The following ACOT1 variants were observed in gnomAD, a reference collection of about 807,000 sequenced individuals.
ACOT1 encodes the protein acyl-CoA thioesterase 1.
Under a neutral mutation model 15.7 loss-of-function variants are expected in ACOT1, and 8 were observed. That is an observed-to-expected ratio of 0.51 (90% CI 0.30 to 0.92). The LOEUF is 0.92. ACOT1 is among the 40% of genes least tolerant of loss of function. ACOT1 has a pLI of 0.06. For missense variants in ACOT1, 151 were observed against 539.4 expected (o/e 0.28, Z 7.13); for synonymous variants, 67 against 241.2 (o/e 0.28, Z 6.69).
chr14:73,531,683 T>C, the ACOT1 span, among the ~76,000 whole-genome samples: 2 of 111,628 alleles, frequency 1.8e-5, 1 homozygote, highest in Non-Finnish European at 3.9e-5. Flanking sequence ...TGCTGGGATT[T>C]GCAACTGTGA....
At chr14:73,505,103 G>C in the ACOT1 span, among the ~76,000 whole-genome samples, 1 of 152,078 alleles carries the variant, frequency 6.6e-6, no homozygotes, top group East Asian at 1.9e-4. Context: ...GCTAATTAGA[G>C]ATGGGGTTTT....
the ACOT1 span, among the ~76,000 whole-genome samples, chr14:73,518,072 C>T: frequency 7.2e-5 from 11 of 151,844 alleles, no homozygotes; most frequent in Non-Finnish European, 1.5e-4. Context: ...GGCGACAGAG[C>T]GAGACTTTAT....
At chr14:73,509,414 C>T in the ACOT1 span, 2 of 1,613,954 alleles carry the variant, frequency 1.2e-6, no homozygotes, top group African/African-American at 1.3e-5. Flanking sequence ...GCATTCTTGT[C>T]ACAAAGAGCA....
the ACOT1 span, chr14:73,520,582 T>G: frequency 2.9e-6 from 1 of 343,284 alleles, no homozygotes; most frequent in Non-Finnish European, 5.3e-6. Context: ...GTTCCCAAAG[T>G]CTTGCCAACT....
At chr14:73,509,449 T>C in the ACOT1 span, 1 of 1,614,014 alleles carries the variant, frequency 6.2e-7, no homozygotes. Context: ...CAGTAGAACC[T>C]CCGGCAAGTC....
rs1460755183 is a variant in ACOT1, at chr14:73,537,496, C to T, written c.75C>T (p.Gly25=). The part of the protein sequence containing the change: ...WDEPVRIAVR[G]LAPEQPVTLR... Reference sequence around the variant, plus strand: ...AACCGGTGCGAATCGCCGTGCGCGGCCTAGCCCCGGAGCAGCCGGTCACGC... The same window carrying T: ...AACCGGTGCGAATCGCCGTGCGCGGTCTAGCCCCGGAGCAGCCGGTCACGC... The change falls in exon 1 of 3, where the codon GGC becomes GGT. Residue 25 remains glycine (G), a synonymous_variant. Coordinates refer to ENST00000311148, the MANE Select transcript of ACOT1 (RefSeq NM_001037161.2). The T allele has an allele frequency of 5.9e-5, 72 of 1,219,294 alleles. No homozygotes were observed. Among genetic ancestry groups the T allele is most frequent in the Middle Eastern group, 2.9e-4 (1 of 3,440 alleles). 75.5% of individuals were successfully genotyped at this position (1,219,294 alleles called of 1,614,324 possible). A position where few individuals can be genotyped will look rare whatever the true frequency, so the allele number is the denominator to read the frequency against.
At chr14:73,495,938 G>GC in the ACOT1 span, among the ~76,000 whole-genome samples, 2 of 152,256 alleles carry the variant, frequency 1.3e-5, no homozygotes, top group Non-Finnish European at 2.9e-5. Flanking sequence ...GACCAGCCTG[G>GC]CCAACATAGC....
chr14:73,536,430 C>CA (rs1444210157), upstream of ACOT1, among the ~76,000 whole-genome samples: 120 of 106,768 alleles, frequency 1.1e-3, 27 homozygotes, highest in African/African-American at 3.3e-3. Context: ...ATGGCTTTAG[C>CA]CCAGGAGTTT....
chr14:73,532,348 T>A (rs1252501538), upstream of ACOT1, among the ~76,000 whole-genome samples: 7 of 116,586 alleles, frequency 6.0e-5, 3 homozygotes, highest in Non-Finnish European at 9.4e-5. Context: ...TCTTCAATCT[T>A]GTATTTCTAG....
chr14:73,493,326 C>T, the ACOT1 span: 1 of 547,118 alleles, frequency 1.8e-6, no homozygotes, highest in Non-Finnish European at 3.3e-6. Context: ...GGGTCGGGGT[C>T]AGTATCCTGT....
chr14:73,536,087 CAG>C (rs1888855130), upstream of ACOT1, among the ~76,000 whole-genome samples: 1 of 115,242 alleles, frequency 8.7e-6, no homozygotes, highest in Non-Finnish European at 1.9e-5. Context: ...TTACAACTAA[CAG>C]GGAGTTGTAT....
chr14:73,509,959 C>T, the ACOT1 span, among the ~76,000 whole-genome samples: 1 of 148,612 alleles, frequency 6.7e-6, no homozygotes, highest in Non-Finnish European at 1.5e-5. Context: ...CTGCAAGCTC[C>T]GCCTCCTGGG....
chr14:73,491,170 A>G, the ACOT1 span: 2 of 1,602,118 alleles, frequency 1.2e-6, no homozygotes, highest in Non-Finnish European at 1.7e-6. Context: ...CCCGCATGGC[A>G]GCGCTGAGGA....
chr14:73,501,757 A>T, the ACOT1 span, among the ~76,000 whole-genome samples: 1 of 149,118 alleles, frequency 6.7e-6, no homozygotes, highest in Admixed American at 6.7e-5. Flanking sequence ...ATTTTATTTT[A>T]TTATTATTAT....
the ACOT1 span, chr14:73,500,754 T>C: frequency 6.2e-7 from 1 of 1,605,402 alleles, no homozygotes; most frequent in African/African-American, 1.3e-5. Flanking sequence ...GTTGCTTTCC[T>C]TTCACCTCCT....
At chr14:73,526,851 T>A in the ACOT1 span, among the ~76,000 whole-genome samples, 1 of 152,046 alleles carries the variant, frequency 6.6e-6, no homozygotes, top group African/African-American at 2.4e-5. Context: ...CTGCAAAGCT[T>A]CAGGTGTGAC....
At chr14:73,496,455 C>G in the ACOT1 span, 1 of 593,258 alleles carries the variant, frequency 1.7e-6, no homozygotes, top group East Asian at 2.8e-5. Context: ...TTTGCATCTT[C>G]AAATGATGTG....
the ACOT1 span, among the ~76,000 whole-genome samples, chr14:73,516,782 T>C: frequency 1.3e-5 from 2 of 152,224 alleles, no homozygotes; most frequent in Non-Finnish European, 2.9e-5. Context: ...TCACGTAGCA[T>C]GAACCTTACT....
chr14:73,517,685 G>C, the ACOT1 span, among the ~76,000 whole-genome samples: 1 of 125,504 alleles, frequency 8.0e-6, no homozygotes, highest in African/African-American at 3.0e-5. Flanking sequence ...AAAAAAAGAA[G>C]AAGAAAAGAG....
Sources: allele counts gnomAD v4.1 joint callset (sites outside exome capture counted in the v4.1 genomes callset), GRCh38; gene constraint gnomAD v4.1.1; transcripts MANE v1.5; gene names NCBI Gene and HGNC (gene_info 2026-07-23, HGNC 2026-07-21).